GCNT2: variants seen among roughly 807,000 people sequenced by gnomAD.
The protein encoded by GCNT2 is N-acetyllactosaminide beta-1,6-N-acetylglucosaminyl-transferase.
Under a neutral mutation model 34.2 loss-of-function variants are expected in GCNT2, and 34 were observed. The ratio of observed to expected loss-of-function variants is 1.00; its 90% CI spans 0.76 to 1.32. The LOEUF (loss-of-function observed/expected upper bound fraction) is 1.32. GCNT2 is among the 40% of genes most tolerant of loss of function. GCNT2 has a pLI of 0.00. For synonymous variants in GCNT2, 212 were observed against 188.0 expected (o/e 1.13, Z -1.04); for missense variants, 584 against 489.4 (o/e 1.19, Z -1.82).
At chr6:10,611,455 C>A (rs1453131016) in intron 3 of GCNT2, among the ~76,000 whole-genome samples, 1 of 152,020 alleles carries the variant, frequency 6.6e-6, no homozygotes, top group Non-Finnish European at 1.5e-5. Flanking sequence ...CTCAGGCTCC[C>A]AAGTAGCTGG....
At chr6:10,576,994 C>A (rs930294844) in intron 3 of GCNT2, among the ~76,000 whole-genome samples, 7 of 152,166 alleles carry the variant, frequency 4.6e-5, no homozygotes, top group African/African-American at 1.7e-4. Flanking sequence ...GGAAGAATCT[C>A]TTGAGCTCAG....
Position 10,528,934 on chromosome 6 carries a change from G to A in GCNT2, c.23G>A (p.Cys8Tyr). The change falls in exon 3 of 5, where the codon TGT (cysteine) becomes TAT (tyrosine). Residue 8 changes from cysteine to tyrosine, a missense_variant. Physicochemically the swap from Cys to Tyr is radical, Grantham distance 194. Coordinates refer to ENST00000495262, the MANE Select transcript of GCNT2 (RefSeq NM_145649.5). ...TGAATGATGGGCTCTTGGAAGCACTGTCTTTTTAGCGCGTCTCTTATCTCT... is the reference window on the plus strand; with the variant it reads ...TGAATGATGGGCTCTTGGAAGCACTATCTTTTTAGCGCGTCTCTTATCTCT... MMGSWKH[C>Y]LFSASLISAL... 1 of 1,613,742 alleles carries A rather than the reference G, an allele frequency of 6.2e-7. No homozygotes were observed. The highest frequency in any genetic ancestry group is 1.1e-5 in the South Asian group (1 of 91,078).
chr6:10,540,414 G>A (rs899410641), intron 3 of GCNT2, among the ~76,000 whole-genome samples: 14 of 152,172 alleles, frequency 9.2e-5, no homozygotes, highest in African/African-American at 2.4e-4. Flanking sequence ...GAAAAGTCAC[G>A]GCCTCAGCTG....
At chr6:10,573,171 C>CA (rs3839409) in intron 3 of GCNT2, 1 of 980,460 alleles carries the variant, frequency 1.0e-6, no homozygotes, top group Non-Finnish European at 1.2e-6. Context: ...AGATATGGAT[C>CA]TCTGGCAGCA....
At chr6:10,603,887 GTTGTTTGT>G (rs146956766) in intron 3 of GCNT2, among the ~76,000 whole-genome samples, 4,388 of 135,414 alleles carry the variant, frequency 0.032, 91 homozygotes, top group African/African-American at 0.057. Flanking sequence ...TTTTTGGTTT[GTTGTTTGT>G]TTGTTTGTTT....
At chr6:10,595,279 C>T (rs550399121) in intron 3 of GCNT2, among the ~76,000 whole-genome samples, 91 of 150,744 alleles carry the variant, frequency 6.0e-4, no homozygotes, top group African/African-American at 2.2e-3. Flanking sequence ...TATTTTCTTT[C>T]TTTTTTTTTA....
At chr6:10,523,459 CT>C (rs1761025823) in intron 1 of GCNT2, among the ~76,000 whole-genome samples, 1 of 151,334 alleles carries the variant, frequency 6.6e-6, no homozygotes, top group Admixed American at 6.6e-5. Context: ...GACCAGCTTT[CT>C]CTTATAGTTT....
At chr6:10,585,291 C>T (rs1323099174) in intron 3 of GCNT2, among the ~76,000 whole-genome samples, 1 of 151,922 alleles carries the variant, frequency 6.6e-6, no homozygotes, top group African/African-American at 2.4e-5. Context: ...GCAATCCTCC[C>T]GCCTCAACCT....
intron 3 of GCNT2, among the ~76,000 whole-genome samples, chr6:10,602,391 C>A (rs140231734): frequency 2.7e-3 from 415 of 152,298 alleles, no homozygotes; most frequent in African/African-American, 9.4e-3. Context: ...TAACTTCTAA[C>A]GGAAGCCCAG....
intron 3 of GCNT2, among the ~76,000 whole-genome samples, chr6:10,549,569 T>C (rs1184696680): frequency 1.2e-4 from 16 of 134,160 alleles, no homozygotes; most frequent in South Asian, 2.6e-4. Context: ...CTCTCTTTTT[T>C]TTTTTTTTTT....
intron 1 of GCNT2, among the ~76,000 whole-genome samples, chr6:10,523,000 A>G (rs1273197610): frequency 6.6e-6 from 1 of 152,212 alleles, no homozygotes; most frequent in African/African-American, 2.4e-5. Flanking sequence ...GAGTTGTCAG[A>G]TATCTTTTCA....
intron 3 of GCNT2, among the ~76,000 whole-genome samples, chr6:10,588,998 GGTGT>G (rs1305862829): frequency 7.3e-6 from 1 of 136,868 alleles, no homozygotes; most frequent in African/African-American, 2.7e-5. Context: ...GTGTGGTGTG[GGTGT>G]GTGTGTGGTG....
rs1215369261 is a variant in GCNT2 at position 10,542,531 on chromosome 6, C to T, written c.925+12695C>T. On this transcript the variant is annotated intron_variant, in intron 3 of 4. Transcript: ENST00000495262. ...ACCTCATGACCACTTCCCATTTCCACACCCAACCCCTGCTTTTCTGGCTCT... is the reference window on the plus strand; with the variant it reads ...ACCTCATGACCACTTCCCATTTCCATACCCAACCCCTGCTTTTCTGGCTCT... Among the ~76,000 whole-genome samples, 3 of 152,330 alleles carry T rather than the reference C, an allele frequency of 2.0e-5. 1 individual carries two copies. The highest frequency in any genetic ancestry group is 1.9e-4 in the East Asian group (1 of 5,196).
At chr6:10,585,952 TGAAAA>T (rs749260246) in intron 3 of GCNT2, 28 of 1,611,232 alleles carry the variant, frequency 1.7e-5, no homozygotes, top group South Asian at 1.4e-4. Context: ...TCTCATTCCC[TGAAAA>T]GAAGAGATTG....
chr6:10,614,959 G>T (rs1235868196), intron 3 of GCNT2, among the ~76,000 whole-genome samples: 2 of 152,208 alleles, frequency 1.3e-5, no homozygotes, highest in African/African-American at 4.8e-5. Context: ...TAACAGGTGG[G>T]CTGATGCCTT....
At chr6:10,589,170 T>G (rs1440857630) in intron 3 of GCNT2, among the ~76,000 whole-genome samples, 1 of 109,844 alleles carries the variant, frequency 9.1e-6, no homozygotes, top group African/African-American at 3.1e-5. Context: ...GTGTGGTGTG[T>G]GTGTGGTGTA....
chr6:10,582,488 TATA>T (rs1371197288), intron 3 of GCNT2, among the ~76,000 whole-genome samples: 3 of 110,694 alleles, frequency 2.7e-5, no homozygotes, highest in Non-Finnish European at 4.7e-5. Flanking sequence ...TAATATATAC[TATA>T]ATATATAATA....
chr6:10,556,092 C>T, intron 3 of GCNT2: 1 of 1,212,122 alleles, frequency 8.2e-7, no homozygotes, highest in Non-Finnish European at 1.0e-6. Flanking sequence ...ACTAAATCTG[C>T]CGGGGGAAAG....
At chr6:10,579,826 CAAA>C (rs61490868) in intron 3 of GCNT2, among the ~76,000 whole-genome samples, 7 of 89,914 alleles carry the variant, frequency 7.8e-5, no homozygotes, top group African/African-American at 2.9e-4. Context: ...AAAAAACAAA[CAAA>C]AAAAAAAAAA....
Sources: gnomAD v4.1 joint callset for allele counts (sites outside exome capture counted in the v4.1 genomes callset) on GRCh38, gnomAD v4.1.1 for gene constraint, MANE v1.5 for transcripts, NCBI Gene and HGNC (gene_info 2026-07-23, HGNC 2026-07-21) for gene names.